Variants in COL22A1 observed in about 807,000 individuals in gnomAD.
COL22A1 encodes collagen type XXII alpha 1 chain.
COL22A1 carries 221 observed loss-of-function variants against 248.9 expected under a neutral mutation model. The ratio of observed to expected loss-of-function variants is 0.89; its 90% CI spans 0.80 to 0.99. The LOEUF (loss-of-function observed/expected upper bound fraction) is 0.99, where lower values mean the gene tolerates loss of function less well. Ranked by LOEUF, COL22A1 falls within the 50% of genes least tolerant of loss-of-function variation. The pLI, the probability that COL22A1 is intolerant of heterozygous loss-of-function variation, is 0.00. For synonymous variants in COL22A1, 891 were observed against 793.4 expected (o/e 1.12, Z -2.07); for missense variants, 2,240 against 2,179.0 (o/e 1.03, Z -0.56).
intron 63 of COL22A1, among the ~76,000 whole-genome samples, chr8:138,592,045 G>T (rs1416207893): frequency 6.6e-6 from 1 of 152,078 alleles, no homozygotes; most frequent in Admixed American, 6.6e-5. Flanking sequence ...CACGCATGTG[G>T]GCATGTGCAG....
chr8:138,640,518 A>G (rs1052579039), intron 47 of COL22A1, among the ~76,000 whole-genome samples: 3 of 152,016 alleles, frequency 2.0e-5, no homozygotes, highest in African/African-American at 7.2e-5. Flanking sequence ...TAACCCTCCA[A>G]TGCAATTAAA....
At chr8:138,625,691 C>T (rs1820180508) in intron 51 of COL22A1, among the ~76,000 whole-genome samples, 1 of 152,220 alleles carries the variant, frequency 6.6e-6, no homozygotes, top group East Asian at 1.9e-4. Flanking sequence ...GTTGTAGTTG[C>T]TTTTTAAAAT....
Position 138,708,417 on chromosome 8 carries a change from T to C in COL22A1, c.2518-5070A>G, listed in dbSNP as rs575591561. Among the ~76,000 whole-genome samples the C allele has an allele frequency of 9.6e-3, 1,469 of 152,280 alleles. 23 individuals carry two copies. Among genetic ancestry groups the C allele is most frequent in the African/African-American group, 0.03 (1,266 of 41,550 alleles). ...AAAGGCTACAGTAACCAAAACAGCATGGTACTGGTACCAAAACGGAGATAT... is the reference window on the plus strand; with the variant it reads ...AAAGGCTACAGTAACCAAAACAGCACGGTACTGGTACCAAAACGGAGATAT... On this transcript the variant is annotated intron_variant, in intron 30 of 64. Transcript: ENST00000303045.
chr8:138,650,930 T>A (rs1587765731), intron 45 of COL22A1, among the ~76,000 whole-genome samples: 1 of 152,144 alleles, frequency 6.6e-6, no homozygotes. Context: ...CACAAATACA[T>A]GCACTAACTA....
In COL22A1 at chr8:138,589,104, C is replaced by G; in HGVS notation, c.*149G>C. 1.4e-6 allele frequency: 1 copy of G among 722,744 alleles called. No individual in the cohort carries two copies. Among genetic ancestry groups the G allele is most frequent in the Non-Finnish European group, 2.3e-6 (1 of 437,274 alleles). The allele number at this position is 722,744 out of a possible 1,614,324, so 44.8% of individuals were successfully genotyped here. On this transcript the variant is annotated 3_prime_UTR_variant, in exon 65 of 65. Coordinates refer to ENST00000303045, the MANE Select transcript of COL22A1 (RefSeq NM_152888.3). Reference sequence around the variant, plus strand: ...GTTGGATTTAATAATTTTGAGGTCTCTCAAGAAAATAAAACAAAAAGCAAA... The same window carrying G: ...GTTGGATTTAATAATTTTGAGGTCTGTCAAGAAAATAAAACAAAAAGCAAA...
rs555330702 is a variant in COL22A1, at chr8:138,588,364, A to C, written c.*889T>G. On this transcript the variant is annotated 3_prime_UTR_variant, in exon 65 of 65. Coordinates refer to ENST00000303045, the MANE Select transcript of COL22A1 (RefSeq NM_152888.3). ...AGATACAAATTTCCCAGCTCTGGTCAGTGCCCTGGCCAACTGCCCATCATT... is the reference window on the plus strand; with the variant it reads ...AGATACAAATTTCCCAGCTCTGGTCCGTGCCCTGGCCAACTGCCCATCATT... 3.3e-5 allele frequency: 5 copies of C among 152,342 alleles called. No individual in the cohort carries two copies. Among genetic ancestry groups the C allele is most frequent in the African/African-American group, 1.2e-4 (5 of 41,584 alleles). The allele number at this position is 152,342 out of a possible 1,614,324, so 9.4% of individuals were successfully genotyped here. A position where few individuals can be genotyped will look rare whatever the true frequency, so the allele number is the denominator to read the frequency against.
intron 45 of COL22A1, among the ~76,000 whole-genome samples, chr8:138,653,047 G>A (rs1046149475): frequency 5.3e-5 from 8 of 151,886 alleles, no homozygotes; most frequent in Non-Finnish European, 1.2e-4. Context: ...GCACCCCGCC[G>A]GTCTGAACTA....
intron 23 of COL22A1, among the ~76,000 whole-genome samples, chr8:138,726,366 T>C (rs768959372): frequency 1.3e-5 from 2 of 151,436 alleles, no homozygotes; most frequent in Non-Finnish European, 2.9e-5. Context: ...TCATAGGGGC[T>C]CTTGCCTGTA....
At chr8:138,726,438 A>G (rs1269463776) in intron 23 of COL22A1, among the ~76,000 whole-genome samples, 1 of 146,188 alleles carries the variant, frequency 6.8e-6, no homozygotes, top group Non-Finnish European at 1.5e-5. Context: ...TTGAGGCTGC[A>G]GTGAGCTGTG....
chr8:138,589,883 C>T (rs67263012), intron 64 of COL22A1, among the ~76,000 whole-genome samples: 10,252 of 152,150 alleles, frequency 0.067, 394 homozygotes, highest in South Asian at 0.15. Flanking sequence ...TGGTGACATT[C>T]CATTGTGTAA....
chr8:138,850,306 G>T (rs536663462), intron 3 of COL22A1, among the ~76,000 whole-genome samples: 3 of 152,306 alleles, frequency 2.0e-5, no homozygotes, highest in African/African-American at 7.2e-5. Flanking sequence ...TGGTCAGAGT[G>T]CCAGGTGTTT....
rs1252891396 is a variant in COL22A1 at position 138,594,056 on chromosome 8, C to A, written c.4576G>T (p.Gly1526Trp). 1 of 1,590,892 alleles carries A rather than the reference C, an allele frequency of 6.3e-7. No individual in the cohort carries two copies. Among genetic ancestry groups the A allele is most frequent in the Non-Finnish European group, 8.5e-7 (1 of 1,172,572 alleles). Residue 1526 changes from glycine (G) to tryptophan (W), a missense_variant, in exon 63 of 65, where the codon GGG (glycine) becomes TGG (tryptophan). By Grantham distance (184) the Gly-to-Trp change is radical (BLOSUM62 -2). Coordinates refer to ENST00000303045, the MANE Select transcript of COL22A1 (RefSeq NM_152888.3). ...GGTCCAGAGGGTCCTTCCAGACCCCCCTGCCCAGGACGACCTGGCTCCCCC... is the reference window on the plus strand; with the variant it reads ...GGTCCAGAGGGTCCTTCCAGACCCCACTGCCCAGGACGACCTGGCTCCCCC... ...PMGEPGRPGQ[G>W]GLEGPSGPIG...
In COL22A1 at chr8:138,860,663, C is replaced by CATGG. The variant is rs1822384853; in HGVS notation, c.659-16509_659-16506dup. On this transcript the variant is annotated intron_variant, in intron 3 of 64. Transcript: ENST00000303045. ...TCTCTACCAAAAATGCACACATTAGCATGGCATGGTGGTTCACACCTGTAG... is the reference window on the plus strand; with the variant it reads ...TCTCTACCAAAAATGCACACATTAGCATGGATGGCATGGTGGTTCACACCTGTAG... 2.0e-5 allele frequency among the ~76,000 whole-genome samples: 3 copies of CATGG among 152,244 alleles called. No homozygotes were observed. The South Asian group carries it at 6.2e-4, about 32-fold the overall frequency.
At chr8:138,866,584 T>G (rs1230135936) in intron 3 of COL22A1, among the ~76,000 whole-genome samples, 1 of 152,242 alleles carries the variant, frequency 6.6e-6, no homozygotes, top group African/African-American at 2.4e-5. Context: ...TGAAGCCTTG[T>G]GCATGGCATG....
chr8:138,778,166 G>T lies in COL22A1; in HGVS notation c.1758+187C>A, dbSNP rs796794021. ...AATATGCATTTAAACTTGTTCTCTG[G>T]GTGATTCTTATGGACTGTAACATCT... On this transcript the variant is annotated intron_variant, in intron 15 of 64. Coordinates refer to ENST00000303045, the MANE Select transcript of COL22A1 (RefSeq NM_152888.3). 6.6e-5 allele frequency: 46 copies of T among 698,306 alleles called. No individual in the cohort carries two copies. The African/African-American group carries it at 7.3e-4, about 11-fold the overall frequency. The allele number at this position is 698,306 out of a possible 1,614,324, so 43.3% of individuals were successfully genotyped here.
chr8:138,610,920 G>A (rs1049071296), intron 56 of COL22A1, among the ~76,000 whole-genome samples: 4 of 151,924 alleles, frequency 2.6e-5, no homozygotes, highest in Non-Finnish European at 5.9e-5. Context: ...TTTTAAATTC[G>A]CTGGGCATGG....
chr8:138,651,191 G>C (rs1822700166), intron 45 of COL22A1, among the ~76,000 whole-genome samples: 1 of 152,122 alleles, frequency 6.6e-6, no homozygotes, highest in Admixed American at 6.5e-5. Flanking sequence ...CCTCAGGATG[G>C]GGACAGGCTC....
At chr8:138,733,174 T>A (rs932669153) in intron 23 of COL22A1, among the ~76,000 whole-genome samples, 11 of 152,202 alleles carry the variant, frequency 7.2e-5, no homozygotes, top group Non-Finnish European at 1.5e-5. Flanking sequence ...GACTTTGTCC[T>A]GAGCACAGCA....
chr8:138,743,531 G>A (rs75741892), intron 22 of COL22A1, among the ~76,000 whole-genome samples: 1,679 of 152,166 alleles, frequency 0.011, 45 homozygotes, highest in African/African-American at 0.039. Flanking sequence ...ATTATTGGTG[G>A]CAGTGGTGAT....
Sources: allele counts gnomAD v4.1 joint callset (sites outside exome capture counted in the v4.1 genomes callset), GRCh38; gene constraint gnomAD v4.1.1; transcripts MANE v1.5; gene names NCBI Gene and HGNC (gene_info 2026-07-23, HGNC 2026-07-21).